The following STXBP5L variants were observed in gnomAD, a reference collection of about 807,000 sequenced individuals.
STXBP5L encodes the protein syntaxin-binding protein 5-like.
STXBP5L carries 65 observed loss-of-function variants against 144.5 expected under a neutral mutation model. The observed-to-expected ratio is 0.45, with a 90% CI of 0.37 to 0.55. The LOEUF is 0.55. Among genes scored for constraint, STXBP5L ranks in the 20% least tolerant of loss-of-function variants. The probability of loss-of-function intolerance (pLI) is 0.00; values close to 1 mark genes in which losing one functional copy is unlikely to be tolerated. For missense variants in STXBP5L, 1,298 were observed against 1,405.5 expected (o/e 0.92, Z 1.22); for synonymous variants, 505 against 469.6 (o/e 1.08, Z -0.97).
chr3:120,967,520 C>T (rs1939744360), intron 3 of STXBP5L, among the ~76,000 whole-genome samples: 1 of 152,164 alleles, frequency 6.6e-6, no homozygotes, highest in Non-Finnish European at 1.5e-5. Context: ...CTTACTCTAG[C>T]TAAAGGTTTT....
rs1473691576 is a variant in STXBP5L, at chr3:121,167,409, T to G, written c.877+9782T>G. ...ATAAAGATATTTTAGCTGCTAAAAA[T>G]TCTCATCAAAAACAACAACAGGTAG... On this transcript the variant is annotated intron_variant, in intron 9 of 26. Coordinates refer to ENST00000471454, the MANE Select transcript of STXBP5L (RefSeq NM_001308330.2). 2.0e-5 allele frequency among the ~76,000 whole-genome samples: 3 copies of G among 152,092 alleles called. No homozygotes were observed. The East Asian group carries it at 5.8e-4, about 29-fold the overall frequency.
chr3:121,008,667 G>A (rs1011741235), intron 3 of STXBP5L, among the ~76,000 whole-genome samples: 1 of 151,936 alleles, frequency 6.6e-6, no homozygotes, highest in African/African-American at 2.4e-5. Flanking sequence ...ACACTCTTAG[G>A]CTGCTAGCTT....
chr3:120,952,498 T>C (rs369110863), intron 2 of STXBP5L, among the ~76,000 whole-genome samples: 1 of 152,220 alleles, frequency 6.6e-6, no homozygotes. Context: ...AGGAATACAA[T>C]TGACTTTTTA....
At chr3:121,006,019 G>A (rs573205486) in intron 3 of STXBP5L, among the ~76,000 whole-genome samples, 1 of 152,318 alleles carries the variant, frequency 6.6e-6, no homozygotes, top group South Asian at 2.1e-4. Flanking sequence ...TGAAAAGAAT[G>A]TGTATTCTGA....
At chr3:121,193,404 G>C (rs761164967) in intron 9 of STXBP5L, among the ~76,000 whole-genome samples, 5 of 144,408 alleles carry the variant, frequency 3.5e-5, no homozygotes, top group Non-Finnish European at 7.6e-5. Flanking sequence ...CATTGTGGAA[G>C]ACAGTGTGGT....
intron 3 of STXBP5L, among the ~76,000 whole-genome samples, chr3:120,968,299 A>G (rs967052503): frequency 4.6e-5 from 7 of 152,182 alleles, no homozygotes; most frequent in Admixed American, 2.6e-4. Context: ...GACTGCATAT[A>G]TCTTTATAAC....
chr3:121,013,374 A>T (rs1377735214), intron 3 of STXBP5L, among the ~76,000 whole-genome samples: 3 of 152,016 alleles, frequency 2.0e-5, no homozygotes, highest in Non-Finnish European at 4.4e-5. Context: ...CCGACTTTTT[A>T]ATAATAGTCA....
chr3:121,344,401 G>T (rs559819132), intron 20 of STXBP5L, among the ~76,000 whole-genome samples: 2 of 152,138 alleles, frequency 1.3e-5, no homozygotes, highest in East Asian at 3.9e-4. Flanking sequence ...TGACAAATGG[G>T]ATCTAATTAA....
At chr3:121,070,559 G>C (rs573766601) in intron 5 of STXBP5L, among the ~76,000 whole-genome samples, 1 of 151,670 alleles carries the variant, frequency 6.6e-6, no homozygotes, top group African/African-American at 2.4e-5. Flanking sequence ...TTTGGTGCTC[G>C]ACACAAATGT....
chr3:121,342,571 C>A (rs1187132965), intron 20 of STXBP5L, among the ~76,000 whole-genome samples: 1 of 145,026 alleles, frequency 6.9e-6, no homozygotes, highest in African/African-American at 2.5e-5. Flanking sequence ...TTGTTCAATT[C>A]CACCTATGAG....
At chr3:121,029,913 A>G (rs1946242161) in intron 3 of STXBP5L, among the ~76,000 whole-genome samples, 3 of 152,182 alleles carry the variant, frequency 2.0e-5, no homozygotes, top group Admixed American at 2.0e-4. Context: ...TGAGGCCCAC[A>G]TACATATGAA....
intron 9 of STXBP5L, among the ~76,000 whole-genome samples, chr3:121,168,573 G>A (rs1158642452): frequency 6.6e-6 from 1 of 152,148 alleles, no homozygotes; most frequent in East Asian, 1.9e-4. Context: ...AACTGATCAA[G>A]TGTAAGACAG....
intron 5 of STXBP5L, among the ~76,000 whole-genome samples, chr3:121,051,463 G>A (rs1576784650): frequency 6.6e-6 from 1 of 152,182 alleles, no homozygotes; most frequent in Admixed American, 6.6e-5. Flanking sequence ...CATGGAAACT[G>A]AACAACCTGC....
chr3:120,957,879 G>A (rs75189958), intron 3 of STXBP5L, among the ~76,000 whole-genome samples: 18,261 of 152,082 alleles, frequency 0.12, 1,156 homozygotes, highest in Non-Finnish European at 0.14. Flanking sequence ...ACATTCAAAA[G>A]CTAGCAGAGA....
At chr3:121,188,863 G>A (rs1057504510) in intron 9 of STXBP5L, among the ~76,000 whole-genome samples, 2 of 152,132 alleles carry the variant, frequency 1.3e-5, no homozygotes, top group Non-Finnish European at 2.9e-5. Context: ...TACTGAATGG[G>A]CAAAAACTGG....
intron 5 of STXBP5L, among the ~76,000 whole-genome samples, chr3:121,055,031 GAGTT>G (rs1948349643): frequency 6.6e-6 from 1 of 152,122 alleles, no homozygotes; most frequent in African/African-American, 2.4e-5. Context: ...TATCTCAACT[GAGTT>G]AGATTAATTG....
intron 5 of STXBP5L, among the ~76,000 whole-genome samples, chr3:121,086,422 C>G (rs182145872): frequency 6.6e-6 from 1 of 151,992 alleles, no homozygotes; most frequent in Non-Finnish European, 1.5e-5. Flanking sequence ...GCGTTCATAG[C>G]CATTGTAACA....
chr3:120,994,134 A>AT (rs1361255990), intron 3 of STXBP5L, among the ~76,000 whole-genome samples: 10 of 151,238 alleles, frequency 6.6e-5, no homozygotes, highest in African/African-American at 2.2e-4. Context: ...TTTGTGTGCC[A>AT]ATTTTTTTTT....
chr3:121,162,204 G>T (rs558074641), intron 9 of STXBP5L, among the ~76,000 whole-genome samples: 1 of 152,076 alleles, frequency 6.6e-6, no homozygotes, highest in Non-Finnish European at 1.5e-5. Flanking sequence ...TCATATGTAT[G>T]CATACTAAAT....
Sources: allele counts gnomAD v4.1 joint callset (sites outside exome capture counted in the v4.1 genomes callset), GRCh38; gene constraint gnomAD v4.1.1; transcripts MANE v1.5; gene names NCBI Gene and HGNC (gene_info 2026-07-23, HGNC 2026-07-21).